KCNMA1: variants seen among roughly 807,000 people sequenced by gnomAD.
KCNMA1 encodes Calcium-activated potassium channel subunit alpha-1.
KCNMA1 carries 29 observed loss-of-function variants against 140.0 expected under a neutral mutation model. The observed-to-expected ratio is 0.21, with a 90% CI of 0.15 to 0.28. The LOEUF (loss-of-function observed/expected upper bound fraction) is 0.28, where lower values mean the gene tolerates loss of function less well. KCNMA1 is among the 10% of genes least tolerant of loss of function. The pLI is 1.00. For synonymous variants in KCNMA1, 612 were observed against 611.9 expected (o/e 1.00, Z 0.00); for missense variants, 880 against 1,602.2 (o/e 0.55, Z 7.70).
chr10:77,185,178 A>T (rs183112034), intron 3 of KCNMA1, among the ~76,000 whole-genome samples: 15 of 152,116 alleles, frequency 9.9e-5, no homozygotes, highest in South Asian at 2.1e-4. Flanking sequence ...ATCATTCAGC[A>T]GTTGAACTAA....
chr10:77,224,682 G>C (rs2050743120), intron 3 of KCNMA1, among the ~76,000 whole-genome samples: 3 of 152,124 alleles, frequency 2.0e-5, no homozygotes, highest in African/African-American at 7.2e-5. Flanking sequence ...CCAACTCAGA[G>C]CATCTATCCC....
At chr10:77,414,840 T>C (rs1294061687) in intron 1 of KCNMA1, among the ~76,000 whole-genome samples, 1 of 152,156 alleles carries the variant, frequency 6.6e-6, no homozygotes, top group Non-Finnish European at 1.5e-5. Flanking sequence ...TTTTCCAAGA[T>C]TACCCATCTT....
intron 1 of KCNMA1, among the ~76,000 whole-genome samples, chr10:77,571,945 G>A (rs925709834): frequency 1.3e-5 from 2 of 152,156 alleles, no homozygotes; most frequent in African/African-American, 4.8e-5. Flanking sequence ...GAAAGCAGCA[G>A]CAACAAGGTT....
Position 77,105,372 on chromosome 10 carries a change from G to A in KCNMA1, c.1223+3109C>T, listed in dbSNP as rs114481960. On this transcript the variant is annotated intron_variant, in intron 9 of 27. Transcript: ENST00000286628. ...ATTCTCAAATATCCTGAATTTGGGT[G>A]TTGTACAAACAAAACCCTGATCTTC... is the stretch of plus-strand genomic sequence containing the variant. Among the ~76,000 whole-genome samples the A allele has an allele frequency of 3.7e-3, 565 of 152,308 alleles. 5 individuals carry two copies. The highest frequency in any genetic ancestry group is 0.013 in the African/African-American group (539 of 41,560).
intron 3 of KCNMA1, among the ~76,000 whole-genome samples, chr10:77,197,970 G>A (rs1171616662): frequency 6.6e-6 from 1 of 152,260 alleles, no homozygotes; most frequent in African/African-American, 2.4e-5. Flanking sequence ...GAGGAGGGGC[G>A]AGACAGAGGG....
At chr10:77,318,670 G>T (rs1387847037) in intron 2 of KCNMA1, among the ~76,000 whole-genome samples, 3 of 152,172 alleles carry the variant, frequency 2.0e-5, no homozygotes, top group African/African-American at 7.2e-5. Context: ...TCACGTCCTA[G>T]AAGATTTGTG....
chr10:77,347,990 C>A (rs986155523), intron 2 of KCNMA1, among the ~76,000 whole-genome samples: 2 of 152,258 alleles, frequency 1.3e-5, no homozygotes, highest in South Asian at 2.1e-4. Context: ...AAACTAAGTG[C>A]TGAAAACTTG....
rs1555100531 is a variant in KCNMA1, at chr10:77,007,651, G to GTGTGTGTGTA, written c.2092+4315_2092+4316insTACACACACA. On this transcript the variant is annotated intron_variant, in intron 18 of 27. Coordinates refer to ENST00000286628, the MANE Select transcript of KCNMA1 (RefSeq NM_001161352.2). ...ATACATCATGGTACATATTGTGTGTGTGTATATATATATATATATATATAT... is the reference window on the plus strand; with the variant it reads ...ATACATCATGGTACATATTGTGTGTGTGTGTGTGTATGTATATATATATATATATATATAT... Among the ~76,000 whole-genome samples the GTGTGTGTGTA allele has an allele frequency of 4.8e-4, 4 of 8,392 alleles. No homozygotes were observed. The South Asian group carries it at 6.9e-3, about 14-fold the overall frequency. 5.5% of individuals were successfully genotyped at this position (8,392 alleles called of 152,430 possible).
At chr10:77,439,130 GAGAAGAGAAGAGAAGAGAAA>G (rs1174363582) in intron 1 of KCNMA1, among the ~76,000 whole-genome samples, 45 of 144,856 alleles carry the variant, frequency 3.1e-4, no homozygotes, top group African/African-American at 1.1e-3. Context: ...GAGAAGAGAA[GAGAAGAGAAGAGAAGAGAAA>G]AGAGAAGAGA....
chr10:77,113,407 G>A (rs1564615487), intron 6 of KCNMA1, among the ~76,000 whole-genome samples: 1 of 151,992 alleles, frequency 6.6e-6, no homozygotes, highest in African/African-American at 2.4e-5. Flanking sequence ...GTGAACCTAG[G>A]TTGTCTTCTA....
chr10:77,579,859 T>C (rs2720003), intron 1 of KCNMA1, among the ~76,000 whole-genome samples: 102,030 of 151,968 alleles, frequency 0.67, 34,551 homozygotes, highest in East Asian at 0.87. Flanking sequence ...ATCTGACCCA[T>C]TGGGGCAGTG....
chr10:77,558,242 C>T (rs1480121269), intron 1 of KCNMA1, among the ~76,000 whole-genome samples: 2 of 152,080 alleles, frequency 1.3e-5, no homozygotes, highest in Non-Finnish European at 2.9e-5. Flanking sequence ...AAAAATATAA[C>T]ACAGATGGTA....
At chr10:77,086,666 C>T in intron 10 of KCNMA1, 73 bp from the exon 11 acceptor site, 1 of 1,046,126 alleles carries the variant, frequency 9.6e-7, no homozygotes, top group Non-Finnish European at 1.5e-6. Flanking sequence ...GCTCCTTCCT[C>T]TCTAATTTCC....
intron 1 of KCNMA1, among the ~76,000 whole-genome samples, chr10:77,596,161 G>A (rs936468276): frequency 6.6e-6 from 1 of 152,092 alleles, no homozygotes; most frequent in African/African-American, 2.4e-5. Flanking sequence ...CCATTAGACT[G>A]GCAAAAATCA....
intron 2 of KCNMA1, among the ~76,000 whole-genome samples, chr10:77,282,242 G>C (rs544669398): frequency 3.3e-4 from 50 of 152,266 alleles, no homozygotes; most frequent in Non-Finnish European, 6.2e-4. Context: ...TTTGGTACCT[G>C]TCATGGCCTT....
Position 77,256,950 on chromosome 10 carries a change from T to G in KCNMA1, c.541-5694A>C, listed in dbSNP as rs908592219. On this transcript the variant is annotated intron_variant, in intron 2 of 27. Coordinates refer to ENST00000286628, the MANE Select transcript of KCNMA1 (RefSeq NM_001161352.2). ...GAGACCATATCTCTACAAAAAAAAC[T>G]TTAAAAAAATTATCCAGGCATGATA... Among the ~76,000 whole-genome samples the G allele has an allele frequency of 2.6e-5, 4 of 152,060 alleles. No homozygotes were observed. In the East Asian group the frequency reaches 7.8e-4, roughly 29 times the overall value.
At position 77,587,668 on chromosome 10, in the gene KCNMA1, A is replaced by C. The variant is rs1447913214; in HGVS notation, c.378+49597T>G. Reference sequence around the variant, plus strand: ...GTGCTCTGAGGACACCTTCAGTGGAATCTGTGGAAGGTACACATCAGATCT... The same window carrying C: ...GTGCTCTGAGGACACCTTCAGTGGACTCTGTGGAAGGTACACATCAGATCT... On this transcript the variant is annotated intron_variant, in intron 1 of 27. Transcript: ENST00000286628. 1.7e-5 allele frequency: 17 copies of C among 982,422 alleles called. No homozygotes were observed. In the Admixed American group the frequency reaches 8.6e-4, roughly 50 times the overall value. The allele number at this position is 982,422 out of a possible 1,614,324, so 60.9% of individuals were successfully genotyped here. A position where few individuals can be genotyped will look rare whatever the true frequency, so the allele number is the denominator to read the frequency against.
At chr10:77,327,931 A>G (rs1234534127) in intron 2 of KCNMA1, among the ~76,000 whole-genome samples, 2 of 152,192 alleles carry the variant, frequency 1.3e-5, no homozygotes, top group African/African-American at 4.8e-5. Flanking sequence ...ATAGGCTTTG[A>G]GTATAATAAT....
intron 1 of KCNMA1, among the ~76,000 whole-genome samples, chr10:77,575,186 G>T (rs749470865): frequency 1.3e-5 from 2 of 152,134 alleles, no homozygotes; most frequent in Non-Finnish European, 2.9e-5. Context: ...CTCCCCAACA[G>T]CCCCACCGTT....
Sources: gnomAD v4.1 joint callset for allele counts (sites outside exome capture counted in the v4.1 genomes callset) on GRCh38, gnomAD v4.1.1 for gene constraint, MANE v1.5 for transcripts, NCBI Gene and HGNC (gene_info 2026-07-23, HGNC 2026-07-21) for gene names.